The following SPATA17 variants were observed in gnomAD, a reference collection of about 807,000 sequenced individuals.
SPATA17 encodes spermatogenesis-associated protein 17.
A neutral mutation model predicts 62.2 loss-of-function variants in SPATA17; 53 were observed. The observed-to-expected ratio is 0.85, with a 90% CI of 0.68 to 1.07. The LOEUF (loss-of-function observed/expected upper bound fraction) is 1.07. Among genes scored for constraint, SPATA17 ranks in the 50% least tolerant of loss-of-function variants. The probability of loss-of-function intolerance (pLI) is 0.00; values close to 1 mark genes in which losing one functional copy is unlikely to be tolerated. For synonymous variants in SPATA17, 146 were observed against 146.8 expected (o/e 0.99, Z 0.04); for missense variants, 466 against 425.5 (o/e 1.10, Z -0.84).
chr1:217,730,136 C>G (rs1389677978), intron 5 of SPATA17, among the ~76,000 whole-genome samples: 2 of 151,888 alleles, frequency 1.3e-5, no homozygotes, highest in African/African-American at 4.8e-5. Flanking sequence ...TTTTTTCTAG[C>G]ACTGATCCTG....
intron 1 of SPATA17, among the ~76,000 whole-genome samples, chr1:217,638,044 T>C (rs1669977682): frequency 6.6e-6 from 1 of 152,124 alleles, no homozygotes; most frequent in African/African-American, 2.4e-5. Flanking sequence ...ATAATTATAA[T>C]AGGAAATCAC....
At chr1:217,850,958 T>A (rs1675651527) in intron 9 of SPATA17, among the ~76,000 whole-genome samples, 1 of 152,134 alleles carries the variant, frequency 6.6e-6, no homozygotes. Flanking sequence ...TAGGGAAATT[T>A]AATTTACGTC....
intron 5 of SPATA17, among the ~76,000 whole-genome samples, chr1:217,710,738 A>C (rs1359094714): frequency 1.3e-5 from 2 of 152,204 alleles, no homozygotes; most frequent in East Asian, 1.9e-4. Context: ...ATTTTAGTAC[A>C]TTTGTAGAGT....
chr1:217,859,722 T>C (rs1186269993), intron 9 of SPATA17, among the ~76,000 whole-genome samples: 1 of 152,144 alleles, frequency 6.6e-6, no homozygotes, highest in Non-Finnish European at 1.5e-5. Flanking sequence ...TTTATCTTTT[T>C]AACACTCATA....
At chr1:217,662,199 G>A (rs1432483173) in intron 3 of SPATA17, among the ~76,000 whole-genome samples, 4 of 152,000 alleles carry the variant, frequency 2.6e-5, no homozygotes, top group African/African-American at 7.2e-5. Flanking sequence ...AATATCAGAT[G>A]TGCTACTTTT....
chr1:217,813,121 G>T (rs962246085), intron 9 of SPATA17, among the ~76,000 whole-genome samples: 2 of 152,206 alleles, frequency 1.3e-5, no homozygotes, highest in Non-Finnish European at 1.5e-5. Flanking sequence ...AGAACATAAA[G>T]TTGACCTTTG....
chr1:217,830,633 T>C (rs945183872), intron 9 of SPATA17, among the ~76,000 whole-genome samples: 1 of 152,154 alleles, frequency 6.6e-6, no homozygotes, highest in African/African-American at 2.4e-5. Flanking sequence ...AATTATTTAG[T>C]TACACATTCA....
chr1:217,862,776 T>C lies in SPATA17; in HGVS notation c.1008T>C (p.Asp336=). Reference sequence around the variant, plus strand: ...ATCTTTGAACTTTTTCCTCCTAGGATTTCCAGACTGTATTACCATCATTTG... The same window carrying C: ...ATCTTTGAACTTTTTCCTCCTAGGACTTCCAGACTGTATTACCATCATTTG... ...ENPKKWICDK[D]FQTVLPSFEL... The change falls in exon 10 of 11, where the codon GAT becomes GAC. Residue 336 remains aspartate, a splice_region_variant and synonymous_variant. Coordinates refer to ENST00000366933, the MANE Select transcript of SPATA17 (RefSeq NM_138796.4). 1.9e-6 allele frequency: 3 copies of C among 1,603,466 alleles called. No individual in the cohort carries two copies. The East Asian group carries it at 6.7e-5, about 36-fold the overall frequency.
At position 217,822,975 on chromosome 1, in the gene SPATA17, T is replaced by G. The variant is rs141199330; in HGVS notation, c.1005+21125T>G. ...TTTAAAGTTTTTCCATCAACTCTCA[T>G]GCATAATTGATTTTAACCTGTTCCC... is the stretch of plus-strand genomic sequence containing the variant. On this transcript the variant is annotated intron_variant, in intron 9 of 10. Transcript: ENST00000366933. Among the ~76,000 whole-genome samples, 1,086 of 152,068 alleles carry G rather than the reference T, an allele frequency of 7.1e-3. 15 individuals are homozygous for G. Among genetic ancestry groups the G allele is most frequent in the African/African-American group, 0.025 (1,029 of 41,534 alleles).
At chr1:217,681,335 G>A (rs1671080291) in intron 4 of SPATA17, among the ~76,000 whole-genome samples, 1 of 151,938 alleles carries the variant, frequency 6.6e-6, no homozygotes, top group Admixed American at 6.6e-5. Context: ...TCTCATATGG[G>A]GAGTCTGACA....
intron 4 of SPATA17, among the ~76,000 whole-genome samples, chr1:217,678,645 A>G (rs1671009477): frequency 6.6e-6 from 1 of 152,162 alleles, no homozygotes; most frequent in South Asian, 2.1e-4. Context: ...TTAATATATC[A>G]AGGTTTTGCC....
intron 9 of SPATA17, among the ~76,000 whole-genome samples, chr1:217,804,653 A>T (rs1674392286): frequency 1.3e-5 from 2 of 152,194 alleles, no homozygotes; most frequent in East Asian, 3.8e-4. Context: ...GATAGAGTTA[A>T]TATCTGAAAT....
In SPATA17 at chr1:217,801,862, A is replaced by C. The variant is rs1225521677; in HGVS notation, c.1005+12A>C. ...GGATCTGTGACAAGGTGAGTTAACA[A>C]AACATTTTAAAAAGTTATTCCTTTT... On this transcript the variant is annotated intron_variant, in intron 9 of 10. Transcript: ENST00000366933. 7 of 1,590,596 alleles carry C rather than the reference A, an allele frequency of 4.4e-6. No individual in the cohort carries two copies. Among genetic ancestry groups the C allele is most frequent in the Middle Eastern group, 3.4e-4 (2 of 5,890 alleles).
chr1:217,862,734 T>G, intron 9 of SPATA17, 40 bp from the exon 10 acceptor site: 1 of 1,360,056 alleles, frequency 7.4e-7, no homozygotes, highest in Non-Finnish European at 1.0e-6. Context: ...CATAAAATCA[T>G]GAAGATCTCT....
At chr1:217,812,029 A>G (rs781761511) in intron 9 of SPATA17, among the ~76,000 whole-genome samples, 1 of 152,186 alleles carries the variant, frequency 6.6e-6, no homozygotes, top group African/African-American at 2.4e-5. Context: ...TGGTTCTTCT[A>G]TGGCAAGATG....
At chr1:217,705,879 A>G (rs760061816) in intron 5 of SPATA17, among the ~76,000 whole-genome samples, 1 of 152,180 alleles carries the variant, frequency 6.6e-6, no homozygotes, top group Non-Finnish European at 1.5e-5. Context: ...TAAGTCTTTA[A>G]TCCATCTTGA....
At chr1:217,696,774 G>T (rs1439135299) in intron 5 of SPATA17, among the ~76,000 whole-genome samples, 3 of 151,962 alleles carry the variant, frequency 2.0e-5, no homozygotes, top group Non-Finnish European at 4.4e-5. Flanking sequence ...GCATAAATTG[G>T]CACAGTTTTC....
Position 217,868,750 on chromosome 1 carries a change from G to A in SPATA17, c.*1731G>A, listed in dbSNP as rs990101586. 7.0e-6 allele frequency: 1 copy of A among 142,284 alleles called. No homozygotes were observed. Among genetic ancestry groups the A allele is most frequent in the Non-Finnish European group, 1.5e-5 (1 of 66,838 alleles). 8.8% of individuals were successfully genotyped at this position (142,284 alleles called of 1,614,324 possible). On this transcript the variant is annotated 3_prime_UTR_variant, in exon 11 of 11. Transcript: ENST00000366933. ...GTTGGAGTGCAGTGGCATGAACTCA[G>A]CTCACTGCAACCTTCACCTCCCAGG...
rs1350790783 is a variant in SPATA17, at chr1:217,731,205, T to C, written c.396-10770T>C. On this transcript the variant is annotated intron_variant, in intron 5 of 10. Transcript: ENST00000366933. ...TACCCTCCTCGATGCATTTACCTTT[T>C]CATTGTACACTCTATAGATGATCAC... 3.3e-5 allele frequency among the ~76,000 whole-genome samples: 5 copies of C among 152,142 alleles called. No homozygotes were observed. The East Asian group carries it at 9.6e-4, about 29-fold the overall frequency.
Sources: gnomAD v4.1 joint callset for allele counts (sites outside exome capture counted in the v4.1 genomes callset) on GRCh38, gnomAD v4.1.1 for gene constraint, MANE v1.5 for transcripts, NCBI Gene and HGNC (gene_info 2026-07-23, HGNC 2026-07-21) for gene names.